FMO5: variants seen among roughly 807,000 people sequenced by gnomAD.
FMO5 encodes flavin-containing monooxygenase 5.
A neutral mutation model predicts 43.6 loss-of-function variants in FMO5; 51 were observed. The ratio of observed to expected loss-of-function variants is 1.17; its 90% CI spans 0.93 to 1.48. The LOEUF is 1.48. Among genes scored for constraint, FMO5 ranks in the 40% most tolerant of loss-of-function variants. FMO5 has a pLI of 0.00. For synonymous variants in FMO5, 187 were observed against 216.5 expected (o/e 0.86, Z 1.20); for missense variants, 644 against 643.0 (o/e 1.00, Z -0.02).
At position 147,201,418 on chromosome 1, in the gene FMO5, T is replaced by C; in HGVS notation, c.917A>G (p.Glu306Gly). 1 of 1,614,160 alleles carries C rather than the reference T, an allele frequency of 6.2e-7. No homozygotes were observed. The change falls in exon 7 of 9, where the codon GAA becomes GGA. Residue 306 changes from glutamate (E) to glycine (G), a missense_variant. Transcript: ENST00000254090. ...GLVKVKGNVKEFTETAAIFED... is the reference protein window; with the variant it reads ...GLVKVKGNVKGFTETAAIFED... ...AAATATGGCAGCTGTCTCCGTGAAT[T>C]CCTTCACATTTCCTTTCACTTTCAC...
intron 7 of FMO5, among the ~76,000 whole-genome samples, chr1:147,192,645 G>C (rs1236718472): frequency 6.6e-6 from 1 of 151,980 alleles, no homozygotes; most frequent in African/African-American, 2.4e-5. Context: ...ATTGGCTGTG[G>C]GTTTGTCATA....
intron 3 of FMO5, 27 bp downstream of exon 3, chr1:147,215,727 C>T (rs995241391): frequency 1.3e-6 from 2 of 1,527,016 alleles, no homozygotes; most frequent in Non-Finnish European, 1.8e-6. Context: ...CAACTTCAAA[C>T]ACAAAGATAC....
intron 2 of FMO5, among the ~76,000 whole-genome samples, chr1:147,219,497 A>C (rs1267822374): frequency 6.6e-6 from 1 of 152,174 alleles, no homozygotes; most frequent in Non-Finnish European, 1.5e-5. Flanking sequence ...TTGATAAAGA[A>C]CATCTACAAA....
At chr1:147,219,398 C>CT (rs1189341307) in intron 2 of FMO5, among the ~76,000 whole-genome samples, 5,476 of 151,900 alleles carry the variant, frequency 0.036, 100 homozygotes, top group African/African-American at 0.045. Context: ...CTTTCTTTTT[C>CT]TTTTATTTTT....
chr1:147,224,120 T>G (rs1663575298), intron 2 of FMO5: 3 of 338,638 alleles, frequency 8.9e-6, no homozygotes, highest in Non-Finnish European at 1.7e-5. Context: ...TGAGGTAAGA[T>G]TGGGATGTCT....
chr1:147,200,791 A>T (rs1267295647), intron 7 of FMO5, among the ~76,000 whole-genome samples: 2 of 152,186 alleles, frequency 1.3e-5, no homozygotes, highest in Non-Finnish European at 2.9e-5. Context: ...TTACTTCAGA[A>T]ATATATGCCA....
In FMO5 at chr1:147,201,511, G is replaced by A. The variant is rs1553921003; in HGVS notation, c.831-7C>T. ...TGGATGCTGACTCAGAGCTCTGTGA[G>A]TCGTGACAAAGATCAAGTGGAGAAA... is the stretch of plus-strand genomic sequence containing the variant. On this transcript the variant is annotated splice_polypyrimidine_tract_variant and splice_region_variant and intron_variant, in intron 6 of 8. Coordinates refer to ENST00000254090, the MANE Select transcript of FMO5 (RefSeq NM_001461.4). The A allele has an allele frequency of 6.2e-7, 1 of 1,600,740 alleles. No homozygotes were observed. The highest frequency in any genetic ancestry group is 1.7e-5 in the Admixed American group (1 of 59,354).
In FMO5 at chr1:147,224,806, C is replaced by T. The variant is rs587771649; in HGVS notation, c.135+89G>A. 2.5e-4 allele frequency: 340 copies of T among 1,359,490 alleles called. 1 individual carries two copies. In the African/African-American group the frequency reaches 4.5e-3, roughly 18 times the overall value. 84.2% of individuals were successfully genotyped at this position (1,359,490 alleles called of 1,614,324 possible). A position where few individuals can be genotyped will look rare whatever the true frequency, so the allele number is the denominator to read the frequency against. ...ATTACAGGCGTGTGCCAACCGCGCC[C>T]GGCCACCTGACACTGTTAAGATAAA... On this transcript the variant is annotated intron_variant, in intron 2 of 8. Coordinates refer to ENST00000254090, the MANE Select transcript of FMO5 (RefSeq NM_001461.4).
rs1553924854 is a variant in FMO5, at chr1:147,215,778, G to T, written c.300C>A (p.Asp100Glu). 3 of 1,608,536 alleles carry T rather than the reference G, an allele frequency of 1.9e-6. No individual in the cohort carries two copies. The Admixed American group carries it at 5.1e-5, about 27-fold the overall frequency. ...EYFRMYAKEF[D>E]LLKYIRFKTT... ...CCTTAAATCGAATATACTTTAGAAG[G>T]TCAAATTCTTTGGCATACATCCTGA... The change falls in exon 3 of 9, where the codon GAC (aspartate) becomes GAA (glutamate). Residue 100 changes from aspartate (D) to glutamate (E), a missense_variant. Transcript: ENST00000254090.
chr1:147,213,992 A>G (rs1661512628), intron 3 of FMO5, among the ~76,000 whole-genome samples: 2 of 152,168 alleles, frequency 1.3e-5, no homozygotes, highest in African/African-American at 4.8e-5. Flanking sequence ...TGGCTCCCAT[A>G]AATACCCATT....
At chr1:147,204,259 T>C in intron 6 of FMO5, 1 of 1,117,498 alleles carries the variant, frequency 8.9e-7, no homozygotes, top group Non-Finnish European at 1.4e-6. Context: ...TTCTGTTTCC[T>C]TCTTAAAAAC....
intron 8 of FMO5, 100 bp downstream of exon 8, chr1:147,190,077 T>C (rs1656411261): frequency 8.0e-6 from 6 of 752,366 alleles, no homozygotes; most frequent in Non-Finnish European, 1.3e-5. Context: ...AGAATCTAAA[T>C]CCTTAAGCTA....
chr1:147,212,512 A>G lies in FMO5; in HGVS notation c.511T>C (p.Tyr171His). Residue 171 changes from tyrosine (Y) to histidine (H), a missense_variant, in exon 5 of 9, where the codon TAC becomes CAC. Transcript: ENST00000254090. ...FPGIEKFKGQ[Y>H]FHSRDYKNPE... ...TTCTTATAGTCTCGACTGTGGAAGT[A>G]CTGCCCTTTGAACTTCTCAATTCCT... The G allele has an allele frequency of 6.2e-7, 1 of 1,613,790 alleles. No homozygotes were observed. The highest frequency in any genetic ancestry group is 8.5e-7 in the Non-Finnish European group (1 of 1,179,758).
chr1:147,186,313 G>T lies in FMO5; in HGVS notation c.*587C>A. The T allele has an allele frequency of 1.0e-6, 1 of 981,982 alleles. No homozygotes were observed. Among genetic ancestry groups the T allele is most frequent in the Non-Finnish European group, 1.2e-6 (1 of 826,938 alleles). The allele number at this position is 981,982 out of a possible 1,614,324, so 60.8% of individuals were successfully genotyped here. A position where few individuals can be genotyped will look rare whatever the true frequency, so the allele number is the denominator to read the frequency against. On this transcript the variant is annotated 3_prime_UTR_variant, in exon 9 of 9. Coordinates refer to ENST00000254090, the MANE Select transcript of FMO5 (RefSeq NM_001461.4). ...TAAAGACATGGTTCCTAAGGAAAAG[G>T]GCTAAAAATGACCATGTTTCAAGTA...
At position 147,224,801 on chromosome 1, in the gene FMO5, G is replaced by A. The variant is rs1394839635; in HGVS notation, c.135+94C>T. The stretch of plus-strand genomic sequence containing the variant: ...CTAGGATTACAGGCGTGTGCCAACC[G>A]CGCCCGGCCACCTGACACTGTTAAG... On this transcript the variant is annotated intron_variant, in intron 2 of 8. Coordinates refer to ENST00000254090, the MANE Select transcript of FMO5 (RefSeq NM_001461.4). The A allele has an allele frequency of 3.1e-6, 4 of 1,280,858 alleles. No homozygotes were observed. The African/African-American group carries it at 4.4e-5, about 14-fold the overall frequency. The allele number at this position is 1,280,858 out of a possible 1,614,324, so 79.3% of individuals were successfully genotyped here.
At chr1:147,190,988 C>T (rs1656653276) in intron 7 of FMO5, among the ~76,000 whole-genome samples, 1 of 152,042 alleles carries the variant, frequency 6.6e-6, no homozygotes, top group South Asian at 2.1e-4. Flanking sequence ...CCAGTTTAAT[C>T]CATGTCCCTA....
Position 147,191,146 on chromosome 1 carries a change from G to A in FMO5, c.1184-897C>T, listed in dbSNP as rs377685413. 6.1e-3 allele frequency among the ~76,000 whole-genome samples: 932 copies of A among 152,200 alleles called. 4 individuals carry two copies. Among genetic ancestry groups the A allele is most frequent in the Middle Eastern group, 0.01 (3 of 292 alleles). On this transcript the variant is annotated intron_variant, in intron 7 of 8. Transcript: ENST00000254090. ...GTGAATAGTGCCGCAATAAACATAC[G>A]TGTGCATGTGTCTTTATAGCAGCAT... is the stretch of plus-strand genomic sequence containing the variant.
chr1:147,216,578 A>C (rs916285981), intron 2 of FMO5, among the ~76,000 whole-genome samples: 24 of 152,224 alleles, frequency 1.6e-4, no homozygotes, highest in African/African-American at 5.3e-4. Context: ...CCTTTTAAAA[A>C]AATATTCAGC....
At chr1:147,226,170 T>C (rs1466080715), upstream of FMO5, among the ~76,000 whole-genome samples, 1 of 151,484 alleles carries the variant, frequency 6.6e-6, no homozygotes, top group East Asian at 1.9e-4. Flanking sequence ...GGCAAGGTGG[T>C]GGGAGGAGGG....
Sources: allele counts gnomAD v4.1 joint callset (sites outside exome capture counted in the v4.1 genomes callset), GRCh38; gene constraint gnomAD v4.1.1; transcripts MANE v1.5; gene names NCBI Gene and HGNC (gene_info 2026-07-23, HGNC 2026-07-21).